The following MYH10 variants were observed in gnomAD, a reference collection of about 807,000 sequenced individuals.
The protein encoded by MYH10 is myosin heavy chain 10.
In MYH10, 55 loss-of-function variants were observed where a neutral mutation model predicts 257.8. The ratio of observed to expected loss-of-function variants is 0.21; its 90% CI spans 0.17 to 0.27. The LOEUF (loss-of-function observed/expected upper bound fraction) is 0.27, where lower values mean the gene tolerates loss of function less well. Among genes scored for constraint, MYH10 ranks in the 10% least tolerant of loss-of-function variants. The pLI, the probability that MYH10 is intolerant of heterozygous loss-of-function variation, is 1.00. For missense variants in MYH10, 1,631 were observed against 2,500.6 expected, an observed-to-expected ratio of 0.65 and a Z score of 7.42; for synonymous variants, 854 against 921.7, an observed-to-expected ratio of 0.93 and a Z score of 1.33.
At chr17:8,582,877 C>T (rs997350002) in intron 4 of MYH10, among the ~76,000 whole-genome samples, 2 of 152,180 alleles carry the variant, frequency 1.3e-5, no homozygotes, top group African/African-American at 4.8e-5. Flanking sequence ...ATATTTGTAA[C>T]ACTGAATTCA....
At chr17:8,561,088 T>C (rs2082977401) in intron 7 of MYH10, 1 of 597,372 alleles carries the variant, frequency 1.7e-6, no homozygotes. Flanking sequence ...AGTTCTTTGG[T>C]TTCCTTATTC....
chr17:8,489,216 T>C (rs1262044849), intron 35 of MYH10, among the ~76,000 whole-genome samples: 2 of 152,156 alleles, frequency 1.3e-5, no homozygotes, highest in Non-Finnish European at 2.9e-5. Flanking sequence ...CTTCGAATTA[T>C]GCAGCCAGGG....
At chr17:8,590,967 G>C (rs1394786251) in intron 3 of MYH10, among the ~76,000 whole-genome samples, 1 of 138,570 alleles carries the variant, frequency 7.2e-6, no homozygotes, top group Non-Finnish European at 1.5e-5. Flanking sequence ...CCACCTCCCG[G>C]GTTCACGCCA....
At chr17:8,485,157 C>T (rs549335040) in intron 36 of MYH10, among the ~76,000 whole-genome samples, 33 of 152,012 alleles carry the variant, frequency 2.2e-4, no homozygotes, top group South Asian at 8.3e-4. Flanking sequence ...AGCAAGATTG[C>T]GGGATACAAG....
intron 21 of MYH10, among the ~76,000 whole-genome samples, chr17:8,515,767 C>T (rs981368708): frequency 3.9e-5 from 6 of 152,096 alleles, no homozygotes; most frequent in Non-Finnish European, 7.4e-5. Flanking sequence ...TGGTCTTGAA[C>T]TCCTGACCTC....
chr17:8,516,005 T>C (rs777041469), intron 21 of MYH10, among the ~76,000 whole-genome samples: 1 of 152,244 alleles, frequency 6.6e-6, no homozygotes, highest in Admixed American at 6.5e-5. Context: ...ACTGCCCTAG[T>C]TGCTTCTTTG....
chr17:8,605,321 A>C (rs146724646), intron 2 of MYH10, among the ~76,000 whole-genome samples: 84 of 152,352 alleles, frequency 5.5e-4, no homozygotes, highest in African/African-American at 1.9e-3. Flanking sequence ...TCATGAGTAC[A>C]CAAGCTATGA....
chr17:8,550,735 G>A (rs1401174870), intron 9 of MYH10, among the ~76,000 whole-genome samples: 1 of 152,022 alleles, frequency 6.6e-6, no homozygotes, highest in Non-Finnish European at 1.5e-5. Context: ...GAAATCGGAT[G>A]GTTGCCGTGT....
intron 14 of MYH10, among the ~76,000 whole-genome samples, chr17:8,540,846 A>C (rs559186222): frequency 6.6e-6 from 1 of 152,362 alleles, no homozygotes; most frequent in South Asian, 2.1e-4. Flanking sequence ...GATGAAATGT[A>C]ATGAAGTGTG....
chr17:8,590,925 T>C (rs2084111555), intron 3 of MYH10, among the ~76,000 whole-genome samples: 1 of 140,532 alleles, frequency 7.1e-6, no homozygotes, highest in Admixed American at 8.0e-5. Context: ...CAGGCTGGAG[T>C]GCAGTGGCGC....
Position 8,509,953 on chromosome 17 carries a change from G to T in MYH10, c.2953-4C>A, listed in dbSNP as rs1567820801. On this transcript the variant is annotated splice_region_variant and splice_polypyrimidine_tract_variant and intron_variant, in intron 24 of 42. Transcript: ENST00000360416. Reference sequence around the variant, plus strand: ...CGTCTAGCTGTTCTTCCAGGTCCTTGTGAAGAACACACAGTCAGTCTCGCC... The same window carrying T: ...CGTCTAGCTGTTCTTCCAGGTCCTTTTGAAGAACACACAGTCAGTCTCGCC... 2 of 1,607,140 alleles carry T rather than the reference G, an allele frequency of 1.2e-6. No homozygotes were observed. Among genetic ancestry groups the T allele is most frequent in the Non-Finnish European group, 1.7e-6 (2 of 1,177,270 alleles).
At chr17:8,527,202 A>C (rs1250524968) in intron 17 of MYH10, among the ~76,000 whole-genome samples, 1 of 152,244 alleles carries the variant, frequency 6.6e-6, no homozygotes, top group Non-Finnish European at 1.5e-5. Flanking sequence ...TTACATAACT[A>C]GTTGCTAGAA....
intron 30 of MYH10, among the ~76,000 whole-genome samples, chr17:8,498,587 C>T (rs1210088088): frequency 2.0e-5 from 3 of 152,018 alleles, no homozygotes; most frequent in Admixed American, 1.3e-4. Context: ...GTAGCTCAGG[C>T]CTGTAATCCC....
intron 6 of MYH10, among the ~76,000 whole-genome samples, chr17:8,574,790 C>T (rs758146405): frequency 2.6e-5 from 4 of 152,226 alleles, no homozygotes; most frequent in Non-Finnish European, 4.4e-5. Flanking sequence ...AGACTTTTCA[C>T]ACTGTAACTA....
rs561147017 is a variant in MYH10, at chr17:8,597,724, C to T, written c.502+7102G>A. 4.0e-4 allele frequency among the ~76,000 whole-genome samples: 60 copies of T among 151,354 alleles called. 1 individual carries two copies. Among genetic ancestry groups the T allele is most frequent in the Middle Eastern group, 3.4e-3 (1 of 290 alleles). Reference sequence around the variant, plus strand: ...TGCCTCCCAGGTTCAAGGGATTCTCCTTGTCTCAGTCTCCCAAGTAGCTGG... The same window carrying T: ...TGCCTCCCAGGTTCAAGGGATTCTCTTTGTCTCAGTCTCCCAAGTAGCTGG... On this transcript the variant is annotated intron_variant, in intron 3 of 42. Transcript: ENST00000360416.
At chr17:8,600,650 C>T (rs937848829) in intron 3 of MYH10, among the ~76,000 whole-genome samples, 7 of 152,124 alleles carry the variant, frequency 4.6e-5, no homozygotes, top group Non-Finnish European at 7.4e-5. Flanking sequence ...GAGGAAACAA[C>T]GTGCTGGGGC....
chr17:8,491,580 T>C (rs534082269), intron 34 of MYH10, among the ~76,000 whole-genome samples: 1 of 152,296 alleles, frequency 6.6e-6, no homozygotes, highest in South Asian at 2.1e-4. Context: ...CTTCATGAAA[T>C]TGGGCAAGTA....
intron 11 of MYH10, 29 bp from the exon 12 acceptor site, chr17:8,546,691 A>G (rs1260379049): frequency 2.6e-6 from 4 of 1,539,950 alleles, no homozygotes; most frequent in Non-Finnish European, 3.6e-6. Context: ...CCTAAATCCT[A>G]CATTTTTTAC....
intron 38 of MYH10, 147 bp from the exon 39 acceptor site, chr17:8,480,672 A>G: frequency 9.8e-7 from 1 of 1,024,472 alleles, no homozygotes. Flanking sequence ...CCCCAAATCC[A>G]TCAGTAGGTC....
Sources: allele counts gnomAD v4.1 joint callset (sites outside exome capture counted in the v4.1 genomes callset), GRCh38; gene constraint gnomAD v4.1.1; transcripts MANE v1.5; gene names NCBI Gene and HGNC (gene_info 2026-07-23, HGNC 2026-07-21).